CBLB: variants seen among roughly 807,000 people sequenced by gnomAD.
CBLB encodes E3 ubiquitin-protein ligase CBL-B.
In CBLB, 31 loss-of-function variants were observed where a neutral mutation model predicts 104.9. That is an observed-to-expected ratio of 0.30 (90% CI 0.22 to 0.40). CBLB has a LOEUF of 0.40. Among genes scored for constraint, CBLB ranks in the 10% least tolerant of loss-of-function variants. The pLI, the probability that CBLB is intolerant of heterozygous loss-of-function variation, is 1.00. For missense variants in CBLB, 1,062 were observed against 1,214.6 expected (o/e 0.87, Z 1.87); for synonymous variants, 440 against 422.6 (o/e 1.04, Z -0.51).
chr3:105,690,496 G>C (rs913600136), intron 13 of CBLB, among the ~76,000 whole-genome samples: 4 of 152,094 alleles, frequency 2.6e-5, no homozygotes, highest in Non-Finnish European at 4.4e-5. Flanking sequence ...TCTTCTACCA[G>C]ATGGGGAAAG....
At chr3:105,782,629 AG>A (rs2080423126) in intron 3 of CBLB, among the ~76,000 whole-genome samples, 1 of 143,284 alleles carries the variant, frequency 7.0e-6, no homozygotes, top group South Asian at 2.2e-4. Context: ...TCTATTGCCC[AG>A]GCTGGAATGC....
chr3:105,720,343 C>T, intron 9 of CBLB, 93 bp from the exon 10 acceptor site: 1 of 1,223,104 alleles, frequency 8.2e-7, no homozygotes, highest in Non-Finnish European at 1.2e-6. Context: ...AAGTCACACC[C>T]CCAAAAAGAC....
chr3:105,693,130 A>G (rs903371879), intron 13 of CBLB, among the ~76,000 whole-genome samples: 1 of 151,966 alleles, frequency 6.6e-6, no homozygotes, highest in Non-Finnish European at 1.5e-5. Flanking sequence ...GGAACCAAAG[A>G]TTATTTTATG....
chr3:105,734,041 A>G lies in CBLB; in HGVS notation c.1171T>C (p.Leu391=). 6.2e-7 allele frequency: 1 copy of G among 1,614,082 alleles called. No individual in the cohort carries two copies. Among genetic ancestry groups the G allele is most frequent in the Non-Finnish European group, 8.5e-7 (1 of 1,179,884 alleles). Residue 391 remains leucine (L), a synonymous_variant, in exon 9 of 19, where the codon TTG becomes CTG. Transcript: ENST00000394030. ...KDVKIEPCGH[L]MCTSCLTAWQ... is the part of the protein sequence containing the mutation. The stretch of plus-strand genomic sequence containing the variant: ...GCCGTAAGGCAAGAGGTGCACATCA[A>G]ATGCCCACAAGGCTCAATCTTGACA...
intron 5 of CBLB, among the ~76,000 whole-genome samples, chr3:105,750,614 C>T (rs1274808339): frequency 6.6e-6 from 1 of 152,150 alleles, no homozygotes. Flanking sequence ...AGATGATACA[C>T]ATTTTAGTGG....
At chr3:105,681,447 G>A (rs2066303183) in intron 16 of CBLB, 32 bp downstream of exon 16, 1 of 1,605,434 alleles carries the variant, frequency 6.2e-7, no homozygotes. Context: ...AAGGAGGGGT[G>A]GGTTGTTCAA....
At chr3:105,793,708 C>T (rs1475171911) in intron 3 of CBLB, among the ~76,000 whole-genome samples, 1 of 152,252 alleles carries the variant, frequency 6.6e-6, no homozygotes, top group African/African-American at 2.4e-5. Flanking sequence ...TCCAGTTCCA[C>T]GTCACAAATG....
chr3:105,689,819 ATATT>A, intron 13 of CBLB, among the ~76,000 whole-genome samples: 1 of 152,150 alleles, frequency 6.6e-6, no homozygotes, highest in Non-Finnish European at 1.5e-5. Flanking sequence ...TTAAAATTTT[ATATT>A]TATAGCTAAG....
At chr3:105,670,678 T>C (rs1279898667) in intron 17 of CBLB, 2 of 312,438 alleles carry the variant, frequency 6.4e-6, no homozygotes, top group African/African-American at 2.2e-5. Flanking sequence ...ACCTGTACAA[T>C]GTATAGAAAC....
In CBLB at chr3:105,658,636, A is replaced by C. The variant is rs2063500812; in HGVS notation, c.*334T>G. On this transcript the variant is annotated 3_prime_UTR_variant, in exon 19 of 19. Coordinates refer to ENST00000394030, the MANE Select transcript of CBLB (RefSeq NM_170662.5). ...GTATCAAAACACCAAAACAAAACTA[A>C]ACTAAAAACAAGAACAAACTGCAAC... 2.5e-6 allele frequency: 1 copy of C among 400,372 alleles called. No homozygotes were observed. Among genetic ancestry groups the C allele is most frequent in the South Asian group, 3.5e-5 (1 of 28,662 alleles). The allele number at this position is 400,372 out of a possible 1,614,324, so 24.8% of individuals were successfully genotyped here.
At chr3:105,744,406 T>C (rs1005751783) in intron 6 of CBLB, among the ~76,000 whole-genome samples, 3 of 152,010 alleles carry the variant, frequency 2.0e-5, no homozygotes, top group Admixed American at 2.0e-4. Context: ...TGAAAGAAAA[T>C]CATTCATCTA....
At chr3:105,827,154 T>C (rs758601613) in intron 3 of CBLB, among the ~76,000 whole-genome samples, 3 of 152,116 alleles carry the variant, frequency 2.0e-5, no homozygotes, top group Non-Finnish European at 4.4e-5. Context: ...AAAGGTAGGG[T>C]ATTTCAACAC....
Position 105,693,577 on chromosome 3 carries a change from A to G in CBLB, c.1971T>C (p.Asn657=), listed in dbSNP as rs757408608. The G allele has an allele frequency of 6.2e-7, 1 of 1,609,550 alleles. No individual in the cohort carries two copies. Among genetic ancestry groups the G allele is most frequent in the South Asian group, 1.1e-5 (1 of 90,966 alleles). Residue 657 remains asparagine, a synonymous_variant, in exon 13 of 19, where the codon AAT becomes AAC. Coordinates refer to ENST00000394030, the MANE Select transcript of CBLB (RefSeq NM_170662.5). The stretch of plus-strand genomic sequence containing the variant: ...CATATTCTTCACTTCCAAGGTGACC[A>G]TTGGAAAAGACCTGAAAGTAAATCA... ...LPLEGAKVFS[N]GHLGSEEYDV... is the part of the protein sequence containing the mutation.
At chr3:105,662,651 A>AAT (rs2063901442) in intron 18 of CBLB, among the ~76,000 whole-genome samples, 1 of 152,226 alleles carries the variant, frequency 6.6e-6, no homozygotes, top group Non-Finnish European at 1.5e-5. Flanking sequence ...TAAGGAGTAA[A>AAT]ATATAAAGTT....
At position 105,743,789 on chromosome 3, in the gene CBLB, T is replaced by C. The variant is rs531542190; in HGVS notation, c.845+2128A>G. On this transcript the variant is annotated intron_variant, in intron 6 of 18. Transcript: ENST00000394030. The stretch of plus-strand genomic sequence containing the variant: ...CTCCAAAGCAAATATTTGTTACAGT[T>C]TTTTTTTTATTCATTAAGGGTGTTT... 5.3e-4 allele frequency among the ~76,000 whole-genome samples: 69 copies of C among 129,776 alleles called. 1 individual carries two copies. The highest frequency in any genetic ancestry group is 2.1e-3 in the African/African-American group (68 of 32,508). The allele number at this position is 129,776 out of a possible 152,430, so 85.1% of individuals were successfully genotyped here.
intron 2 of CBLB, among the ~76,000 whole-genome samples, chr3:105,854,563 T>C (rs981487789): frequency 3.3e-5 from 5 of 151,926 alleles, no homozygotes; most frequent in Non-Finnish European, 7.4e-5. Context: ...ATCATAAAGA[T>C]ACATGGCTCT....
At chr3:105,737,097 C>T (rs1576736397) in intron 8 of CBLB, 74 bp downstream of exon 8, 1 of 721,048 alleles carries the variant, frequency 1.4e-6, no homozygotes, top group Non-Finnish European at 2.4e-6. Flanking sequence ...TTTAACTACA[C>T]TAAGAGAGTC....
chr3:105,818,730 G>A (rs1210514246), intron 3 of CBLB, among the ~76,000 whole-genome samples: 3 of 151,966 alleles, frequency 2.0e-5, no homozygotes, highest in Non-Finnish European at 4.4e-5. Context: ...AATTAAATAC[G>A]AAAAGCATAC....
chr3:105,656,730 T>C lies in CBLB; in HGVS notation c.*2240A>G, dbSNP rs2063376056. 2 of 190,404 alleles carry C rather than the reference T, an allele frequency of 1.1e-5. No individual in the cohort carries two copies. The highest frequency in any genetic ancestry group is 1.2e-4 in the Admixed American group (2 of 16,074). 11.8% of individuals were successfully genotyped at this position (190,404 alleles called of 1,614,324 possible). ...ATAAACTGAATGAGAATGTGCTATG[T>C]TCTCTAACATTCTTATTTTACATCA... On this transcript the variant is annotated 3_prime_UTR_variant, in exon 19 of 19. Coordinates refer to ENST00000394030, the MANE Select transcript of CBLB (RefSeq NM_170662.5).
Sources: allele counts gnomAD v4.1 joint callset (sites outside exome capture counted in the v4.1 genomes callset), GRCh38; gene constraint gnomAD v4.1.1; transcripts MANE v1.5; gene names NCBI Gene and HGNC (gene_info 2026-07-23, HGNC 2026-07-21).